The following PDE8B variants were observed in gnomAD, a reference collection of about 807,000 sequenced individuals.
PDE8B encodes the protein high affinity cAMP-specific and IBMX-insensitive 3',5'-cyclic phosphodiesterase 8B.
Under a neutral mutation model 101.3 loss-of-function variants are expected in PDE8B, and 26 were observed. The observed-to-expected ratio is 0.26, with a 90% CI of 0.19 to 0.36. PDE8B has a LOEUF of 0.36. Ranked by LOEUF, PDE8B falls within the 10% of genes least tolerant of loss-of-function variation. The pLI is 1.00. For synonymous variants in PDE8B, 424 were observed against 429.3 expected, an observed-to-expected ratio of 0.99 and a Z score of 0.15; for missense variants, 810 against 1,163.1, an observed-to-expected ratio of 0.70 and a Z score of 4.42.
At chr5:77,169,827 C>G in the PDE8B span, among the ~76,000 whole-genome samples, 3 of 152,120 alleles carry the variant, frequency 2.0e-5, no homozygotes, top group African/African-American at 7.2e-5. Context: ...TTGGGATAAT[C>G]AAACTGTGCC....
At chr5:77,391,311 T>TG (rs1789864166) in intron 10 of PDE8B, among the ~76,000 whole-genome samples, 1 of 152,192 alleles carries the variant, frequency 6.6e-6, no homozygotes, top group Non-Finnish European at 1.5e-5. Flanking sequence ...GAAGGTCTGC[T>TG]GGCACTGCTC....
intron 1 of PDE8B, chr5:77,291,406 A>G: frequency 3.7e-6 from 6 of 1,611,778 alleles, no homozygotes; most frequent in Non-Finnish European, 5.1e-6. Flanking sequence ...CCTGGAAATT[A>G]TGTAGAACCG....
the PDE8B span, among the ~76,000 whole-genome samples, chr5:77,166,042 AC>A: frequency 2.6e-5 from 4 of 151,644 alleles, no homozygotes; most frequent in Non-Finnish European, 5.9e-5. Context: ...ATCAGAACAG[AC>A]AAAACATTAT....
chr5:77,153,598 G>A, the PDE8B span, among the ~76,000 whole-genome samples: 6 of 138,272 alleles, frequency 4.3e-5, no homozygotes, highest in East Asian at 2.0e-4. Context: ...TTTTTGAGAC[G>A]GAGTCTCACT....
intron 10 of PDE8B, among the ~76,000 whole-genome samples, chr5:77,393,863 C>A (rs960997576): frequency 6.6e-6 from 1 of 150,486 alleles, no homozygotes; most frequent in African/African-American, 2.5e-5. Context: ...AGGCCGGGAA[C>A]CTTGTAAGGA....
chr5:77,169,817 T>G, the PDE8B span, among the ~76,000 whole-genome samples: 1 of 152,152 alleles, frequency 6.6e-6, no homozygotes, highest in Non-Finnish European at 1.5e-5. Flanking sequence ...CTACTGCAGC[T>G]TGGGATAATC....
At chr5:77,281,951 G>A (rs1011774308) in intron 1 of PDE8B, among the ~76,000 whole-genome samples, 4 of 152,136 alleles carry the variant, frequency 2.6e-5, no homozygotes, top group Non-Finnish European at 5.9e-5. Flanking sequence ...AGAGTCTGGG[G>A]GTGTTGGTGG....
chr5:77,330,861 T>C (rs1581081642), intron 4 of PDE8B, among the ~76,000 whole-genome samples: 2 of 152,286 alleles, frequency 1.3e-5, no homozygotes, highest in African/African-American at 4.8e-5. Context: ...CAAACCCTCT[T>C]GTGAAATGAG....
At chr5:77,194,487 TA>T in the PDE8B span, among the ~76,000 whole-genome samples, 982 of 152,282 alleles carry the variant, frequency 6.4e-3, 8 homozygotes, top group African/African-American at 0.021. Flanking sequence ...TACAATTAAG[TA>T]GTATTAAGTA....
At chr5:77,313,758 T>C (rs758319595) in intron 2 of PDE8B, among the ~76,000 whole-genome samples, 18 of 152,330 alleles carry the variant, frequency 1.2e-4, no homozygotes, top group Admixed American at 5.2e-4. Flanking sequence ...AAACAAAAGA[T>C]TGTGGATACT....
intron 19 of PDE8B, 63 bp downstream of exon 19, chr5:77,419,950 G>GC: frequency 6.3e-7 from 1 of 1,581,988 alleles, no homozygotes; most frequent in Non-Finnish European, 8.7e-7. Flanking sequence ...GCCTGCTCTG[G>GC]CCCTGAAGCA....
At chr5:77,198,628 T>G in the PDE8B span, among the ~76,000 whole-genome samples, 1 of 152,220 alleles carries the variant, frequency 6.6e-6, no homozygotes, top group Admixed American at 6.5e-5. Context: ...CCTTCTCTTA[T>G]GAATTATAGT....
chr5:77,410,730 C>T (rs1021094739), intron 14 of PDE8B: 2 of 152,166 alleles, frequency 1.3e-5, no homozygotes, highest in East Asian at 3.8e-4. Flanking sequence ...AGCTCTTGGC[C>T]TAAAGATCCA....
chr5:77,419,687 G>A (rs1332246874), intron 18 of PDE8B, 80 bp from the exon 19 acceptor site: 2 of 1,517,596 alleles, frequency 1.3e-6, no homozygotes, highest in Non-Finnish European at 1.8e-6. Context: ...AGGTTGTGAG[G>A]AGTGTAGTGA....
the PDE8B span, among the ~76,000 whole-genome samples, chr5:77,142,768 T>C: frequency 6.6e-6 from 1 of 151,626 alleles, no homozygotes; most frequent in Non-Finnish European, 1.5e-5. Flanking sequence ...CTTCATGTAA[T>C]CTTTTTTTTT....
the PDE8B span, chr5:77,100,198 GACTC>G: frequency 6.6e-6 from 1 of 152,202 alleles, no homozygotes; most frequent in East Asian, 1.9e-4. Flanking sequence ...ATCCAGGCAG[GACTC>G]ACTCACTGCC....
chr5:77,216,377 C>T (rs749369670), intron 1 of PDE8B, among the ~76,000 whole-genome samples: 140 of 152,228 alleles, frequency 9.2e-4, no homozygotes, highest in Non-Finnish European at 1.8e-3. Flanking sequence ...ACAATCATGG[C>T]CAAAGGCGAA....
the PDE8B span, among the ~76,000 whole-genome samples, chr5:77,101,516 AGTCATCACCCTTAT>A: frequency 6.6e-6 from 1 of 152,156 alleles, no homozygotes; most frequent in Admixed American, 6.5e-5. Context: ...TCATTCACTG[AGTCATCACCCTTAT>A]GAAAACTACT....
At position 77,411,779 on chromosome 5, in the gene PDE8B, G is replaced by A. The variant is rs1165964130; in HGVS notation, c.1576+58G>A. On this transcript the variant is annotated intron_variant, in intron 15 of 21. Coordinates refer to ENST00000264917, the MANE Select transcript of PDE8B (RefSeq NM_003719.5). ...CCTGTCTCCAGCCTGTGCTGTCCCCGCTGTTGCGATTATTGTTCTGGGAGG... is the reference window on the plus strand; with the variant it reads ...CCTGTCTCCAGCCTGTGCTGTCCCCACTGTTGCGATTATTGTTCTGGGAGG... The A allele has an allele frequency of 1.8e-5, 24 of 1,306,856 alleles. 1 individual carries two copies. The highest frequency in any genetic ancestry group is 3.5e-5 in the South Asian group (3 of 84,772). The allele number at this position is 1,306,856 out of a possible 1,614,324, so 81.0% of individuals were successfully genotyped here.
Sources: allele counts gnomAD v4.1 joint callset (sites outside exome capture counted in the v4.1 genomes callset), GRCh38; gene constraint gnomAD v4.1.1; transcripts MANE v1.5; gene names NCBI Gene and HGNC (gene_info 2026-07-23, HGNC 2026-07-21).